DNAJA1: variants seen among roughly 807,000 people sequenced by gnomAD.
The protein encoded by DNAJA1 is dnaJ homolog subfamily A member 1.
DNAJA1 carries 26 observed loss-of-function variants against 47.6 expected under a neutral mutation model. The observed-to-expected ratio is 0.55, with a 90% CI of 0.40 to 0.76. DNAJA1 has a LOEUF of 0.76. Ranked by LOEUF, DNAJA1 falls within the 30% of genes least tolerant of loss-of-function variation. The probability of loss-of-function intolerance (pLI) is 0.00; values close to 1 mark genes in which losing one functional copy is unlikely to be tolerated. For missense variants in DNAJA1, 315 were observed against 485.0 expected, an observed-to-expected ratio of 0.65 and a Z score of 3.29; for synonymous variants, 165 against 158.4, an observed-to-expected ratio of 1.04 and a Z score of -0.31.
intron 6 of DNAJA1, 65 bp from the exon 7 acceptor site, chr9:33,036,509 C>T: frequency 1.9e-6 from 2 of 1,041,350 alleles, no homozygotes; most frequent in Non-Finnish European, 1.4e-6. Flanking sequence ...AAAAAAACAG[C>T]CTGCTTTGGT....
intron 5 of DNAJA1, among the ~76,000 whole-genome samples, chr9:33,032,996 C>T (rs2119388837): frequency 6.6e-6 from 1 of 152,236 alleles, no homozygotes; most frequent in Admixed American, 6.5e-5. Context: ...CATGATTGCT[C>T]TGTTAGGTAA....
intron 3 of DNAJA1, among the ~76,000 whole-genome samples, chr9:33,028,856 ATAAT>A (rs1347026380): frequency 3.3e-5 from 5 of 152,374 alleles, no homozygotes; most frequent in South Asian, 2.1e-4. Context: ...GCAGAAGGAC[ATAAT>A]TAATGGTATT....
intron 1 of DNAJA1, among the ~76,000 whole-genome samples, chr9:33,025,728 C>G (rs1050196265): frequency 6.6e-6 from 1 of 151,962 alleles, no homozygotes; most frequent in South Asian, 2.1e-4. Context: ...GGCGACCCTG[C>G]GCACGCGCAC....
In DNAJA1 at chr9:33,034,212, T is replaced by C; in HGVS notation, c.644-4T>C. 2 of 1,573,288 alleles carry C rather than the reference T, an allele frequency of 1.3e-6. No homozygotes were observed. Among genetic ancestry groups the C allele is most frequent in the Non-Finnish European group, 1.7e-6 (2 of 1,164,774 alleles). On this transcript the variant is annotated splice_region_variant and splice_polypyrimidine_tract_variant and intron_variant, in intron 5 of 8. Transcript: ENST00000330899. ...AAAGTACAAAATTAATGTTTTGTTTTTAGGCATGAAAGATGGCCAGAAGAT... is the reference window on the plus strand; with the variant it reads ...AAAGTACAAAATTAATGTTTTGTTTCTAGGCATGAAAGATGGCCAGAAGAT...
At chr9:33,038,471 T>A (rs1587701666) in intron 8 of DNAJA1, among the ~76,000 whole-genome samples, 1 of 152,318 alleles carries the variant, frequency 6.6e-6, no homozygotes, top group South Asian at 2.1e-4. Flanking sequence ...AATACAATCA[T>A]TTTTAATAAA....
chr9:33,036,312 G>T (rs1839032415), intron 6 of DNAJA1: 8 of 180,044 alleles, frequency 4.4e-5, no homozygotes, highest in East Asian at 2.7e-4. Context: ...ACTAGGTAAT[G>T]AAACAGTTCA....
In DNAJA1 at chr9:33,036,811, T is replaced by C. The variant is rs146843244; in HGVS notation, c.874+122T>C. 1.4e-3 allele frequency: 1,120 copies of C among 818,248 alleles called. 1 individual carries two copies. Among genetic ancestry groups the C allele is most frequent in the Non-Finnish European group, 1.8e-3 (953 of 523,414 alleles). The allele number at this position is 818,248 out of a possible 1,614,324, so 50.7% of individuals were successfully genotyped here. On this transcript the variant is annotated intron_variant, in intron 7 of 8. Coordinates refer to ENST00000330899, the MANE Select transcript of DNAJA1 (RefSeq NM_001539.4). ...ATTGTTTTTCTTTCTCGGTTACATA[T>C]CCTTCTCTGGGCTTAGATGAAGTTA...
chr9:33,037,308 T>TA, intron 8 of DNAJA1, 193 bp downstream of exon 8: 1 of 364,080 alleles, frequency 2.7e-6, no homozygotes, highest in Non-Finnish European at 4.8e-6. Context: ...CCCTGTCTCT[T>TA]TAAAAAAACA....
rs1839044271 is a variant in DNAJA1 at position 33,036,940 on chromosome 9, GCT to G, written c.875-72_875-71del. ...ACTCCTGCCAATGAGCTAGGACAGT[GCT>G]CTGTTCTTTATATTCCCTGCCTCAT... is the stretch of plus-strand genomic sequence containing the variant. On this transcript the variant is annotated intron_variant, in intron 7 of 8. Coordinates refer to ENST00000330899, the MANE Select transcript of DNAJA1 (RefSeq NM_001539.4). 8.3e-6 allele frequency: 11 copies of G among 1,328,496 alleles called. No homozygotes were observed. In the South Asian group the frequency reaches 1.4e-4, roughly 17 times the overall value. The allele number at this position is 1,328,496 out of a possible 1,614,324, so 82.3% of individuals were successfully genotyped here.
chr9:33,033,534 TAAAAA>T (rs1010025231), intron 5 of DNAJA1, among the ~76,000 whole-genome samples: 1 of 145,896 alleles, frequency 6.9e-6, no homozygotes, highest in Admixed American at 6.9e-5. Context: ...CCATCTCTAT[TAAAAA>T]AAAAAAAATT....
Position 33,038,694 on chromosome 9 carries a change from C to G in DNAJA1, c.985C>G (p.Pro329Ala). The change falls in exon 9 of 9, where the codon CCT becomes GCT. Residue 329 changes from proline to alanine, a missense_variant. Around this residue, in one of 4 missense-constraint regions of DNAJA1, gnomAD observed 162 missense variants for 185.4 expected, o/e 0.87. Coordinates refer to ENST00000330899, the MANE Select transcript of DNAJA1 (RefSeq NM_001539.4). ...AAAGTTTCTTTTGAAGGTAAACTTT[C>G]CTGAGAATGGCTTTCTCTCTCCTGA... ...RLIIEFKVNF[P>A]ENGFLSPDKL... The G allele has an allele frequency of 6.2e-7, 1 of 1,613,590 alleles. No individual in the cohort carries two copies. Among genetic ancestry groups the G allele is most frequent in the Non-Finnish European group, 8.5e-7 (1 of 1,179,784 alleles).
chr9:33,026,635 T>TA lies in DNAJA1; in HGVS notation c.132+22dup, dbSNP rs1170090414. On this transcript the variant is annotated intron_variant, in intron 2 of 8. Coordinates refer to ENST00000330899, the MANE Select transcript of DNAJA1 (RefSeq NM_001539.4). Reference sequence around the variant, plus strand: ...AGAGAAGGTGAATAGTATCTACTCTTAAACGTATCTGAATAGTTCTTTGCC... The same window carrying TA: ...AGAGAAGGTGAATAGTATCTACTCTTAAAACGTATCTGAATAGTTCTTTGCC... The TA allele has an allele frequency of 1.3e-6, 2 of 1,595,474 alleles. No individual in the cohort carries two copies. Among genetic ancestry groups the TA allele is most frequent in the African/African-American group, 2.7e-5 (2 of 73,150 alleles).
At chr9:33,036,815 T>A in intron 7 of DNAJA1, 126 bp downstream of exon 7, 2 of 804,916 alleles carry the variant, frequency 2.5e-6, no homozygotes, top group Non-Finnish European at 3.9e-6. Context: ...TACATATCCT[T>A]CTCTGGGCTT....
intron 1 of DNAJA1, among the ~76,000 whole-genome samples, 189 bp downstream of exon 1, chr9:33,025,572 A>G (rs916652107): frequency 2.6e-5 from 4 of 152,060 alleles, no homozygotes; most frequent in African/African-American, 9.7e-5. Context: ...CGCACAGTGA[A>G]TGGGCCCGAG....
chr9:33,026,919 G>A lies in DNAJA1; in HGVS notation c.239G>A (p.Gly80Asp), dbSNP rs140953653. The change falls in exon 3 of 9, where the codon GGT becomes GAT. Residue 80 changes from glycine (G) to aspartate (D), a missense_variant. By Grantham distance (94) the Gly-to-Asp change is moderately conservative. This residue lies in a region of DNAJA1 where 100 missense variants were observed against 163.0 expected (regional missense o/e 0.61). Transcript: ENST00000330899. The stretch of plus-strand genomic sequence containing the variant: ...ATTAAAGAGGGTGGAGCAGGTGGCG[G>A]TTTTGGCTCCCCCATGGACATCTTT... The part of the protein sequence containing the change: ...QAIKEGGAGG[G>D]FGSPMDIFDM... The A allele has an allele frequency of 1.9e-6, 3 of 1,614,010 alleles. No individual in the cohort carries two copies. The highest frequency in any genetic ancestry group is 2.7e-5 in the African/African-American group (2 of 74,898).
chr9:33,035,590 C>G (rs1303924372), intron 6 of DNAJA1, among the ~76,000 whole-genome samples: 4 of 152,134 alleles, frequency 2.6e-5, no homozygotes, highest in African/African-American at 7.2e-5. Flanking sequence ...TCACCTCAGC[C>G]TCCCGAGTAG....
At chr9:33,034,532 T>C (rs1369389514) in intron 6 of DNAJA1, among the ~76,000 whole-genome samples, 1 of 152,180 alleles carries the variant, frequency 6.6e-6, no homozygotes, top group African/African-American at 2.4e-5. Flanking sequence ...GTATGGAACG[T>C]TGAAAATGTG....
Position 33,027,007 on chromosome 9 carries a change from C to G in DNAJA1, c.310+17C>G, listed in dbSNP as rs767403484. On this transcript the variant is annotated intron_variant, in intron 3 of 8. Coordinates refer to ENST00000330899, the MANE Select transcript of DNAJA1 (RefSeq NM_001539.4). ...AAAGGAGAGGTAAGAAGAATCTAGTCTTTGTGCAGCTAACTAAAGTTAGCT... is the reference window on the plus strand; with the variant it reads ...AAAGGAGAGGTAAGAAGAATCTAGTGTTTGTGCAGCTAACTAAAGTTAGCT... 6.2e-7 allele frequency: 1 copy of G among 1,613,726 alleles called. No individual in the cohort carries two copies. Among genetic ancestry groups the G allele is most frequent in the South Asian group, 1.1e-5 (1 of 91,030 alleles).
At chr9:33,026,405 G>A (rs1838851398) in intron 1 of DNAJA1, 70 bp from the exon 2 acceptor site, 2 of 1,513,170 alleles carry the variant, frequency 1.3e-6, no homozygotes, top group Non-Finnish European at 1.8e-6. Flanking sequence ...GAGATTGCTC[G>A]GCCTTAGCTC....
Sources: allele counts gnomAD v4.1 joint callset (sites outside exome capture counted in the v4.1 genomes callset), GRCh38; gene constraint gnomAD v4.1.1; regional missense constraint gnomAD v4.1.1; transcripts MANE v1.5; gene names NCBI Gene and HGNC (gene_info 2026-07-23, HGNC 2026-07-21).